The following SMARCC1 variants were observed in gnomAD, a reference collection of about 807,000 sequenced individuals.
The protein encoded by SMARCC1 is SWI/SNF complex subunit SMARCC1.
Under a neutral mutation model 147.4 loss-of-function variants are expected in SMARCC1, and 43 were observed. That is an observed-to-expected ratio of 0.29 (90% CI 0.23 to 0.38). The LOEUF (loss-of-function observed/expected upper bound fraction) is 0.38, where lower values mean the gene tolerates loss of function less well. Among genes scored for constraint, SMARCC1 ranks in the 10% least tolerant of loss-of-function variants. The pLI is 1.00. For synonymous variants in SMARCC1, 495 were observed against 484.4 expected, an observed-to-expected ratio of 1.02 and a Z score of -0.29; for missense variants, 1,119 against 1,381.1, an observed-to-expected ratio of 0.81 and a Z score of 3.01.
At chr3:47,773,381 G>A (rs2034938504) in intron 1 of SMARCC1, among the ~76,000 whole-genome samples, 2 of 138,598 alleles carry the variant, frequency 1.4e-5, no homozygotes, top group Non-Finnish European at 3.1e-5. Flanking sequence ...CCCCTGCCTC[G>A]ACCTCACAAA....
chr3:47,773,049 T>G (rs1356421221), intron 1 of SMARCC1, 113 bp from the exon 2 acceptor site: 1 of 848,660 alleles, frequency 1.2e-6, no homozygotes, highest in Non-Finnish European at 1.8e-6. Flanking sequence ...TATAGATGTC[T>G]GAGACACGCT....
At chr3:47,781,338 G>A (rs2035044815) in intron 1 of SMARCC1, among the ~76,000 whole-genome samples, 1 of 152,226 alleles carries the variant, frequency 6.6e-6, no homozygotes, top group South Asian at 2.1e-4. Context: ...CTTAGTGGCT[G>A]AGCTCGACCT....
chr3:47,686,320 C>A, intron 13 of SMARCC1, 150 bp from the exon 14 acceptor site: 1 of 629,990 alleles, frequency 1.6e-6, no homozygotes. Flanking sequence ...TAAAAACAAC[C>A]TTTCACAGTA....
At chr3:47,774,239 T>C (rs1035011129) in intron 1 of SMARCC1, among the ~76,000 whole-genome samples, 1 of 146,040 alleles carries the variant, frequency 6.8e-6, no homozygotes, top group Non-Finnish European at 1.5e-5. Context: ...TCATTTACTT[T>C]TTTTTTTTTT....
At position 47,693,309 on chromosome 3, in the gene SMARCC1, A is replaced by G; in HGVS notation, c.1166-9T>C. ...ATCTTTCTTTAGGTTCACTAGAAAA[A>G]GAAAAAAAAGAGTTATGTTTATGTG... On this transcript the variant is annotated splice_polypyrimidine_tract_variant and intron_variant, in intron 11 of 27. Coordinates refer to ENST00000254480, the MANE Select transcript of SMARCC1 (RefSeq NM_003074.4). 1 of 1,485,574 alleles carries G rather than the reference A, an allele frequency of 6.7e-7. No individual in the cohort carries two copies. Among genetic ancestry groups the G allele is most frequent in the Non-Finnish European group, 9.4e-7 (1 of 1,065,106 alleles). The allele number at this position is 1,485,574 out of a possible 1,614,324, so 92.0% of individuals were successfully genotyped here. A position where few individuals can be genotyped will look rare whatever the true frequency, so the allele number is the denominator to read the frequency against.
chr3:47,699,134 T>C (rs2033888103), intron 11 of SMARCC1, among the ~76,000 whole-genome samples: 1 of 151,964 alleles, frequency 6.6e-6, no homozygotes, highest in African/African-American at 2.4e-5. Context: ...AGGCAAAAAA[T>C]TTCTTAGGAC....
At chr3:47,674,527 G>C (rs1362689056) in intron 18 of SMARCC1, among the ~76,000 whole-genome samples, 4 of 152,140 alleles carry the variant, frequency 2.6e-5, no homozygotes, top group Admixed American at 6.5e-5. Context: ...AATGTAATAT[G>C]TTCTTCTCTA....
intron 25 of SMARCC1, among the ~76,000 whole-genome samples, chr3:47,614,282 A>AT (rs1467327627): frequency 6.6e-6 from 1 of 152,206 alleles, no homozygotes; most frequent in Non-Finnish European, 1.5e-5. Context: ...GTGACTTGTC[A>AT]TTTTATCTTT....
At chr3:47,740,832 C>G (rs1353634100) in intron 3 of SMARCC1, among the ~76,000 whole-genome samples, 5 of 134,320 alleles carry the variant, frequency 3.7e-5, no homozygotes, top group Admixed American at 1.7e-4. Flanking sequence ...GCCTGGGCGA[C>G]AGAGGGAGAC....
Position 47,590,652 on chromosome 3 carries a change from GTTAC to G in SMARCC1, c.3220+5_3220+8del. On this transcript the variant is annotated splice_donor_5th_base_variant and intron_variant, in intron 27 of 27. Transcript: ENST00000254480. ...CTGAGATAATGCATCCCCCCTCCAT[GTTAC>G]TTACACATGCCGTTAGGTGCTGTCA... 1 of 1,504,740 alleles carries G rather than the reference GTTAC, an allele frequency of 6.6e-7. No individual in the cohort carries two copies. Among genetic ancestry groups the G allele is most frequent in the Non-Finnish European group, 8.8e-7 (1 of 1,131,932 alleles). 93.2% of individuals were successfully genotyped at this position (1,504,740 alleles called of 1,614,324 possible). A position where few individuals can be genotyped will look rare whatever the true frequency, so the allele number is the denominator to read the frequency against.
At chr3:47,670,844 G>C (rs1393134661) in intron 18 of SMARCC1, 127 bp from the exon 19 acceptor site, 4 of 683,962 alleles carry the variant, frequency 5.8e-6, no homozygotes, top group Non-Finnish European at 1.1e-5. Context: ...TGACTAACAG[G>C]AATAAAACAC....
intron 19 of SMARCC1, chr3:47,663,586 C>T (rs1166791269): frequency 6.3e-6 from 9 of 1,432,860 alleles, no homozygotes; most frequent in Middle Eastern, 2.2e-4. Context: ...TCTTAGGTCG[C>T]GATTTTCTCC....
intron 26 of SMARCC1, among the ~76,000 whole-genome samples, chr3:47,600,240 T>G (rs1396297781): frequency 6.6e-6 from 1 of 152,150 alleles, no homozygotes; most frequent in African/African-American, 2.4e-5. Context: ...TTACTTCTGC[T>G]TATGGCACCC....
At chr3:47,642,885 GAAAC>G (rs2033067586) in intron 21 of SMARCC1, among the ~76,000 whole-genome samples, 1 of 152,022 alleles carries the variant, frequency 6.6e-6, no homozygotes, top group Non-Finnish European at 1.5e-5. Flanking sequence ...GTCTCTATAA[GAAAC>G]AAACAAACAA....
chr3:47,675,220 T>C (rs894110436), intron 18 of SMARCC1, among the ~76,000 whole-genome samples: 2 of 152,220 alleles, frequency 1.3e-5, no homozygotes, highest in African/African-American at 2.4e-5. Flanking sequence ...AAGTATACTT[T>C]TCAGTTCTAA....
At chr3:47,646,800 T>A (rs1485528545) in intron 21 of SMARCC1, among the ~76,000 whole-genome samples, 1 of 152,170 alleles carries the variant, frequency 6.6e-6, no homozygotes, top group Non-Finnish European at 1.5e-5. Flanking sequence ...CCCTTCAAAA[T>A]CAGTCCCCCA....
chr3:47,746,557 G>A (rs2034565965), intron 2 of SMARCC1, among the ~76,000 whole-genome samples: 1 of 151,946 alleles, frequency 6.6e-6, no homozygotes, highest in Non-Finnish European at 1.5e-5. Flanking sequence ...AGAATCACTT[G>A]AGCACAGAAA....
In SMARCC1 at chr3:47,714,488, T is replaced by C. The variant is rs1449373631; in HGVS notation, c.719A>G (p.Tyr240Cys). The change falls in exon 8 of 28, where the codon TAT becomes TGT. Residue 240 changes from tyrosine (Y) to cysteine (C), a missense_variant and splice_region_variant. Physicochemically the swap from Tyr to Cys is radical, Grantham distance 194. Coordinates refer to ENST00000254480, the MANE Select transcript of SMARCC1 (RefSeq NM_003074.4). ...ATCATTACTATGGACCCAAGTATCATAGCTATAAAGGAATCAAAATGAGAA... is the reference window on the plus strand; with the variant it reads ...ATCATTACTATGGACCCAAGTATCACAGCTATAAAGGAATCAAAATGAGAA... ...LVHWGFYPDSYDTWVHSNDVD... is the reference protein window; with the variant it reads ...LVHWGFYPDSCDTWVHSNDVD... 12 of 1,527,826 alleles carry C rather than the reference T, an allele frequency of 7.9e-6. No individual in the cohort carries two copies. The highest frequency in any genetic ancestry group is 2.3e-5 in the East Asian group (1 of 44,210). 94.6% of individuals were successfully genotyped at this position (1,527,826 alleles called of 1,614,324 possible). A position where few individuals can be genotyped will look rare whatever the true frequency, so the allele number is the denominator to read the frequency against.
chr3:47,752,551 C>T (rs73085144), intron 2 of SMARCC1, among the ~76,000 whole-genome samples: 2,296 of 152,006 alleles, frequency 0.015, 31 homozygotes, highest in Non-Finnish European at 0.023. Flanking sequence ...GTTGAGAGGC[C>T]GGGACAGGAG....
Sources: gnomAD v4.1 joint callset for allele counts (sites outside exome capture counted in the v4.1 genomes callset) on GRCh38, gnomAD v4.1.1 for gene constraint, MANE v1.5 for transcripts, NCBI Gene and HGNC (gene_info 2026-07-23, HGNC 2026-07-21) for gene names.